The following INPP4B variants were observed in gnomAD, a reference collection of about 807,000 sequenced individuals.
INPP4B encodes inositol polyphosphate-4-phosphatase type II B, also known as inositol polyphosphate 4-phosphatase type II.
INPP4B carries 55 observed loss-of-function variants against 122.5 expected under a neutral mutation model. That is an observed-to-expected ratio of 0.45 (90% CI 0.36 to 0.56). The LOEUF (loss-of-function observed/expected upper bound fraction) is 0.56, where lower values mean the gene tolerates loss of function less well. Among genes scored for constraint, INPP4B ranks in the 20% least tolerant of loss-of-function variants. INPP4B has a pLI of 0.00. For missense variants in INPP4B, 1,000 were observed against 1,097.7 expected, an observed-to-expected ratio of 0.91 and a Z score of 1.26; for synonymous variants, 403 against 388.7, an observed-to-expected ratio of 1.04 and a Z score of -0.43.
intron 25 of INPP4B, among the ~76,000 whole-genome samples, chr4:142,052,154 C>T (rs1254001885): frequency 2.6e-5 from 4 of 151,832 alleles, no homozygotes; most frequent in Non-Finnish European, 5.9e-5. Context: ...TATTTAAATA[C>T]CTTTCAACTA....
chr4:142,280,391 T>C (rs1213185779), intron 9 of INPP4B, among the ~76,000 whole-genome samples: 2 of 151,998 alleles, frequency 1.3e-5, no homozygotes, highest in Non-Finnish European at 2.9e-5. Flanking sequence ...CACCACCAAC[T>C]TGGATGAATT....
intron 1 of INPP4B, among the ~76,000 whole-genome samples, chr4:142,821,713 T>C (rs1355965451): frequency 6.6e-6 from 1 of 152,122 alleles, no homozygotes; most frequent in Admixed American, 6.6e-5. Context: ...AAATTGAATA[T>C]AATAACAAGA....
At chr4:142,624,077 T>C (rs1423941258) in intron 2 of INPP4B, among the ~76,000 whole-genome samples, 1 of 151,758 alleles carries the variant, frequency 6.6e-6, no homozygotes, top group African/African-American at 2.4e-5. Context: ...CCTTTGGGTA[T>C]ATACCCAGTA....
intron 9 of INPP4B, among the ~76,000 whole-genome samples, chr4:142,291,932 C>A (rs1204110038): frequency 6.6e-6 from 1 of 152,116 alleles, no homozygotes; most frequent in African/African-American, 2.4e-5. Flanking sequence ...CACAATTTTA[C>A]AGCAAATACA....
At chr4:142,775,990 G>A (rs1773857065) in intron 1 of INPP4B, among the ~76,000 whole-genome samples, 1 of 152,068 alleles carries the variant, frequency 6.6e-6, no homozygotes, top group Admixed American at 6.6e-5. Flanking sequence ...TGATATGGTG[G>A]ATCTTTGTAT....
chr4:142,602,183 A>G (rs568921808), intron 2 of INPP4B, among the ~76,000 whole-genome samples: 7 of 152,034 alleles, frequency 4.6e-5, no homozygotes, highest in African/African-American at 7.2e-5. Flanking sequence ...CCTATACATC[A>G]ATAACAGGCA....
At chr4:142,595,064 T>C (rs188488189) in intron 2 of INPP4B, among the ~76,000 whole-genome samples, 1 of 152,184 alleles carries the variant, frequency 6.6e-6, no homozygotes. Context: ...GACTTTTCCA[T>C]TGTTTCGGTT....
intron 11 of INPP4B, among the ~76,000 whole-genome samples, chr4:142,243,631 C>T (rs951383488): frequency 2.0e-5 from 3 of 152,084 alleles, no homozygotes; most frequent in African/African-American, 7.2e-5. Context: ...AAATGAATAT[C>T]ATCTGATATT....
chr4:142,773,652 T>C (rs1773426873), intron 1 of INPP4B, among the ~76,000 whole-genome samples: 2 of 152,222 alleles, frequency 1.3e-5, no homozygotes, highest in South Asian at 4.1e-4. Context: ...GACATCATAA[T>C]TTCATATTCA....
intron 2 of INPP4B, among the ~76,000 whole-genome samples, chr4:142,653,587 G>T (rs1419508179): frequency 6.6e-6 from 1 of 152,122 alleles, no homozygotes; most frequent in Non-Finnish European, 1.5e-5. Context: ...CATAAAAGAA[G>T]ACATTCATGC....
chr4:142,393,442 C>T (rs986026306), intron 7 of INPP4B, among the ~76,000 whole-genome samples: 2 of 152,222 alleles, frequency 1.3e-5, no homozygotes, highest in South Asian at 4.1e-4. Flanking sequence ...AAGGAGGTAC[C>T]CTCTATTCAA....
chr4:142,746,949 G>C (rs1362550640), intron 1 of INPP4B, among the ~76,000 whole-genome samples: 1 of 152,086 alleles, frequency 6.6e-6, no homozygotes, highest in Non-Finnish European at 1.5e-5. Context: ...TACCATTCAG[G>C]ATATAGGCAT....
intron 23 of INPP4B, among the ~76,000 whole-genome samples, chr4:142,094,518 G>T (rs1780997289): frequency 6.6e-6 from 1 of 152,194 alleles, no homozygotes. Flanking sequence ...CACAGCTTTT[G>T]AGGTGATTTC....
chr4:142,758,242 AG>A (rs1336733777), intron 1 of INPP4B, among the ~76,000 whole-genome samples: 2 of 152,180 alleles, frequency 1.3e-5, no homozygotes, highest in Admixed American at 1.3e-4. Context: ...GAAAGGACAT[AG>A]GGGGAACTCA....
At chr4:142,591,296 CAA>C (rs375855393) in intron 2 of INPP4B, among the ~76,000 whole-genome samples, 1 of 147,234 alleles carries the variant, frequency 6.8e-6, no homozygotes, top group African/African-American at 2.5e-5. Flanking sequence ...ACATACCCCT[CAA>C]AAAAAAAATT....
intron 7 of INPP4B, among the ~76,000 whole-genome samples, chr4:142,383,457 T>G (rs571468545): frequency 2.6e-5 from 4 of 152,272 alleles, no homozygotes; most frequent in African/African-American, 9.6e-5. Context: ...ACTGCCTAAA[T>G]TTCTACTTCC....
chr4:142,118,982 A>G (rs931528260), intron 21 of INPP4B, among the ~76,000 whole-genome samples: 2 of 152,186 alleles, frequency 1.3e-5, no homozygotes, highest in Non-Finnish European at 2.9e-5. Flanking sequence ...AAAAGTGGGC[A>G]AAGGATATGA....
rs192500483 is a variant in INPP4B at position 142,314,855 on chromosome 4, G to A, written c.373-93C>T. ...TGGGTTTCAATTTCCTTCATCTCGCGTCAATTCAGACTCTGTGGTTAATCA... is the reference window on the plus strand; with the variant it reads ...TGGGTTTCAATTTCCTTCATCTCGCATCAATTCAGACTCTGTGGTTAATCA... On this transcript the variant is annotated intron_variant, in intron 7 of 25. Coordinates refer to ENST00000262992, the MANE Select transcript of INPP4B (RefSeq NM_001101669.3). 3.0e-3 allele frequency: 2,869 copies of A among 968,306 alleles called. 6 individuals are homozygous for A. Among genetic ancestry groups the A allele is most frequent in the Non-Finnish European group, 3.8e-3 (2,406 of 636,020 alleles). The allele number at this position is 968,306 out of a possible 1,614,324, so 60.0% of individuals were successfully genotyped here.
At chr4:142,547,226 C>T (rs1829744535) in intron 2 of INPP4B, among the ~76,000 whole-genome samples, 2 of 151,806 alleles carry the variant, frequency 1.3e-5, no homozygotes, top group South Asian at 4.2e-4. Flanking sequence ...GAGCATATCC[C>T]CAAATAAGTG....
Sources: allele counts gnomAD v4.1 joint callset (sites outside exome capture counted in the v4.1 genomes callset), GRCh38; gene constraint gnomAD v4.1.1; transcripts MANE v1.5; gene names NCBI Gene and HGNC (gene_info 2026-07-23, HGNC 2026-07-21).